Variants in TELO2 observed in about 807,000 individuals in gnomAD.
TELO2 encodes the protein telomere maintenance 2.
Under a neutral mutation model 91.0 loss-of-function variants are expected in TELO2, and 71 were observed. The ratio of observed to expected loss-of-function variants is 0.78; its 90% CI spans 0.64 to 0.95. TELO2 has a LOEUF of 0.95. TELO2 is among the 40% of genes least tolerant of loss of function. The pLI is 0.00. For synonymous variants in TELO2, 584 were observed against 518.9 expected (o/e 1.13, Z -1.71); for missense variants, 1,183 against 1,141.3 (o/e 1.04, Z -0.53).
chr16:1,507,322 G>A lies in TELO2; in HGVS notation c.2243G>A (p.Gly748Asp), dbSNP rs372106050. ...AVNTTVAVAM[G>D]KALLEFVWAL... ...GGTGTCCAGGTGGCTGTGGCCATGGGCAAGGCCCTGCTGGAATTCGTGTGG... is the reference window on the plus strand; with the variant it reads ...GGTGTCCAGGTGGCTGTGGCCATGGACAAGGCCCTGCTGGAATTCGTGTGG... Residue 748 changes from glycine (G) to aspartate (D), a missense_variant, in exon 19 of 21, where the codon GGC (glycine) becomes GAC (aspartate). Physicochemically the swap from Gly to Asp is moderately conservative, Grantham distance 94 (BLOSUM62 -1). Coordinates refer to ENST00000262319, the MANE Select transcript of TELO2 (RefSeq NM_016111.4). 3.7e-6 allele frequency: 6 copies of A among 1,610,044 alleles called. No individual in the cohort carries two copies. The highest frequency in any genetic ancestry group is 4.2e-6 in the Non-Finnish European group (5 of 1,179,912).
In TELO2 at chr16:1,501,438, A is replaced by T. The variant is rs1440184516; in HGVS notation, c.1300A>T (p.Ser434Cys). 6.2e-7 allele frequency: 1 copy of T among 1,612,090 alleles called. No homozygotes were observed. Among genetic ancestry groups the T allele is most frequent in the Non-Finnish European group, 8.5e-7 (1 of 1,179,602 alleles). ...GCTGTAGTACGAAGAGGATGAACTG[A>T]GCCTCGAGCTGCTGGCCTTGGCCTC... ...LKFQYEEDELSLELLALASPQ... is the reference protein window; with the variant it reads ...LKFQYEEDELCLELLALASPQ... Residue 434 changes from serine (S) to cysteine (C), a missense_variant, in exon 10 of 21, where the codon AGC becomes TGC. Physicochemically the swap from Ser to Cys is moderately radical, Grantham distance 112. Coordinates refer to ENST00000262319, the MANE Select transcript of TELO2 (RefSeq NM_016111.4).
intron 20 of TELO2, among the ~76,000 whole-genome samples, chr16:1,508,093 G>A (rs879452503): frequency 1.8e-4 from 25 of 142,008 alleles, no homozygotes; most frequent in African/African-American, 5.3e-4. Flanking sequence ...CCGCCCACCC[G>A]CCTCCCTGGG....
rs1459987284 is a variant in TELO2 at position 1,510,262 on chromosome 16, A to AGCC, written c.*327_*329dup. The AGCC allele has an allele frequency of 5.4e-6, 2 of 371,944 alleles. No individual in the cohort carries two copies. The highest frequency in any genetic ancestry group is 4.0e-5 in the Admixed American group (1 of 25,278). 23.0% of individuals were successfully genotyped at this position (371,944 alleles called of 1,614,324 possible). On this transcript the variant is annotated 3_prime_UTR_variant, in exon 21 of 21. Coordinates refer to ENST00000262319, the MANE Select transcript of TELO2 (RefSeq NM_016111.4). The stretch of plus-strand genomic sequence containing the variant: ...GGAGGACGGTGTACCTGCTGCTCAG[A>AGCC]GCCCCCAAGGCTCTCCTCTGAGAGC...
chr16:1,509,572 G>A (rs1004280843), intron 20 of TELO2, among the ~76,000 whole-genome samples: 17 of 152,366 alleles, frequency 1.1e-4, no homozygotes, highest in Admixed American at 5.2e-4. Context: ...CCGGTTGTGC[G>A]CCCCACCCCA....
chr16:1,501,990 T>C (rs2039704347), intron 11 of TELO2, 57 bp from the exon 12 acceptor site: 2 of 1,606,728 alleles, frequency 1.2e-6, no homozygotes, highest in African/African-American at 1.3e-5. Context: ...GGCTCTGCCG[T>C]TGGGCACTTC....
chr16:1,498,740 T>C (rs2039577677), intron 5 of TELO2, among the ~76,000 whole-genome samples: 1 of 152,182 alleles, frequency 6.6e-6, no homozygotes, highest in Non-Finnish European at 1.5e-5. Context: ...TTTTAAGTGA[T>C]AAGTGAGGGA....
Position 1,507,370 on chromosome 16 carries a change from CGTGA to C in TELO2, c.2291+4_2291+7del. 1 of 1,610,426 alleles carries C rather than the reference CGTGA, an allele frequency of 6.2e-7. No homozygotes were observed. The highest frequency in any genetic ancestry group is 1.1e-5 in the South Asian group (1 of 91,036). On this transcript the variant is annotated splice_donor_variant and splice_donor_region_variant and intron_variant, in intron 19 of 20. Transcript: ENST00000262319. LOFTEE classifies it high-confidence loss of function. ...TGGGCCCTTCGCTTCCACATCGATG[CGTGA>C]GTGGCCTGTGGGGCTGGGCCAGGCC...
rs1330729576 is a variant in TELO2 at position 1,507,008 on chromosome 16, C to CGCACACCT, written c.2184_2191dup (p.Leu731CysfsTer4). 12 of 1,611,798 alleles carry CGCACACCT rather than the reference C, an allele frequency of 7.4e-6. No homozygotes were observed. The highest frequency in any genetic ancestry group is 9.3e-6 in the Non-Finnish European group (11 of 1,179,154). ...GACCAGCTGGTTCTCGGAAGGCTGG[C>CGCACACCT]GCACACCTTAGGGGCCCTGATGTGC... On this transcript the variant is annotated frameshift_variant, in exon 18 of 21. Coordinates refer to ENST00000262319, the MANE Select transcript of TELO2 (RefSeq NM_016111.4). LOFTEE classifies it high-confidence loss of function.
At chr16:1,495,292 G>A (rs2039437778) in intron 2 of TELO2, 54 bp from the exon 3 acceptor site, 6 of 1,490,214 alleles carry the variant, frequency 4.0e-6, no homozygotes, top group South Asian at 1.3e-5. Context: ...GTGGCAGGAA[G>A]GGGGCCCCGA....
chr16:1,506,581 C>T lies in TELO2; in HGVS notation c.2126+252C>T, dbSNP rs536688109. On this transcript the variant is annotated intron_variant, in intron 17 of 20. Transcript: ENST00000262319. ...TTGTGGCATGGCCGGCAGTGCCGCC[C>T]GCACGTGCCCGACGCCATCACCTGC... The T allele has an allele frequency of 2.5e-5, 35 of 1,407,534 alleles. No homozygotes were observed. The East Asian group carries it at 3.7e-4, about 15-fold the overall frequency. 87.2% of individuals were successfully genotyped at this position (1,407,534 alleles called of 1,614,324 possible). A position where few individuals can be genotyped will look rare whatever the true frequency, so the allele number is the denominator to read the frequency against.
chr16:1,502,125 C>G lies in TELO2; in HGVS notation c.1551C>G (p.Asp517Glu), dbSNP rs1567300809. Reference sequence around the variant, plus strand: ...GCAAGGCTCCTGCCTACGTCCGGGACTGCGTGGAAGGTGGGCACGGGCCCC... The same window carrying G: ...GCAAGGCTCCTGCCTACGTCCGGGAGTGCGTGGAAGGTGGGCACGGGCCCC... ...KSSKAPAYVR[D>E]CVEALTTSED... The change falls in exon 12 of 21, where the codon GAC becomes GAG. Residue 517 changes from aspartate (D) to glutamate (E), a missense_variant. Asp to Glu is a conservative substitution (Grantham distance 45). Transcript: ENST00000262319. 6.2e-7 allele frequency: 1 copy of G among 1,612,946 alleles called. No individual in the cohort carries two copies. Among genetic ancestry groups the G allele is most frequent in the Non-Finnish European group, 8.5e-7 (1 of 1,179,956 alleles).
chr16:1,506,374 C>T (rs2039893838), intron 17 of TELO2, 45 bp downstream of exon 17: 1 of 1,612,892 alleles, frequency 6.2e-7, no homozygotes, highest in South Asian at 1.1e-5. Flanking sequence ...GGACAGGGAC[C>T]CTGGACGTAC....
intron 6 of TELO2, 53 bp downstream of exon 6, chr16:1,499,386 T>A: frequency 6.3e-7 from 1 of 1,587,376 alleles, no homozygotes; most frequent in Non-Finnish European, 8.6e-7. Flanking sequence ...ACAGCAAGAA[T>A]GGCTGCAAAA....
chr16:1,498,692 C>T (rs536760580), intron 5 of TELO2, among the ~76,000 whole-genome samples: 1 of 150,772 alleles, frequency 6.6e-6, no homozygotes, highest in Admixed American at 6.7e-5. Context: ...GCCTTGGCCT[C>T]CCAAATGTTT....
At chr16:1,499,363 T>A (rs763794046) in intron 6 of TELO2, 30 bp downstream of exon 6, 2 of 1,603,292 alleles carry the variant, frequency 1.2e-6, no homozygotes, top group Admixed American at 1.7e-5. Flanking sequence ...TGCAGGCTGC[T>A]GGCTGCCCCA....
At chr16:1,504,128 A>T (rs9937807) in intron 15 of TELO2, among the ~76,000 whole-genome samples, 1 of 49,720 alleles carries the variant, frequency 2.0e-5, no homozygotes, top group Admixed American at 2.0e-4. Context: ...CTGTCTCTTT[A>T]AAAAAAAAAA....
intron 11 of TELO2, 120 bp from the exon 12 acceptor site, chr16:1,501,927 T>G: frequency 6.8e-7 from 1 of 1,479,366 alleles, no homozygotes; most frequent in Non-Finnish European, 9.4e-7. Context: ...AGCTCCACCG[T>G]AGGCGCAGGG....
At chr16:1,499,792 C>T (rs989206209) in intron 6 of TELO2, among the ~76,000 whole-genome samples, 3 of 152,258 alleles carry the variant, frequency 2.0e-5, no homozygotes, top group Admixed American at 6.5e-5. Flanking sequence ...TTTGCTCACA[C>T]GAGAACTTAA....
chr16:1,506,435 C>A, intron 17 of TELO2, 106 bp downstream of exon 17: 1 of 1,590,364 alleles, frequency 6.3e-7, no homozygotes, highest in Non-Finnish European at 8.6e-7. Context: ...TGGGTGTGAA[C>A]AGGGTCGTGC....
Sources: gnomAD v4.1 joint callset for allele counts (sites outside exome capture counted in the v4.1 genomes callset) on GRCh38, gnomAD v4.1.1 for gene constraint, MANE v1.5 for transcripts, NCBI Gene and HGNC (gene_info 2026-07-23, HGNC 2026-07-21) for gene names.